The following GLB1L3 variants were observed in gnomAD, a reference collection of about 807,000 sequenced individuals.
GLB1L3 encodes galactosidase beta 1 like 3, also known as beta-galactosidase-1-like protein 3.
A neutral mutation model predicts 89.5 loss-of-function variants in GLB1L3; 89 were observed. That is an observed-to-expected ratio of 0.99 (90% CI 0.84 to 1.19). GLB1L3 has a LOEUF of 1.19. GLB1L3 is among the 50% of genes most tolerant of loss of function. GLB1L3 has a pLI of 0.00. For missense variants in GLB1L3, 812 were observed against 813.3 expected, an observed-to-expected ratio of 1.00 and a Z score of 0.02; for synonymous variants, 314 against 312.3, an observed-to-expected ratio of 1.01 and a Z score of -0.06.
intron 7 of GLB1L3, among the ~76,000 whole-genome samples, chr11:134,291,916 A>G (rs528253488): frequency 6.6e-6 from 1 of 152,350 alleles, no homozygotes; most frequent in African/African-American, 2.4e-5. Context: ...TTAAGGTTAT[A>G]GTGAGCTATG....
At chr11:134,316,815 G>A (rs1943002591) in intron 18 of GLB1L3, 1 of 152,202 alleles carries the variant, frequency 6.6e-6, no homozygotes, top group African/African-American at 2.4e-5. Context: ...TCATACGGCT[G>A]TGTGGATTGT....
chr11:134,312,431 A>G lies in GLB1L3; in HGVS notation c.1370A>G (p.Tyr457Cys), dbSNP rs1555082001. Residue 457 changes from tyrosine (Y) to cysteine (C), a missense_variant, in exon 14 of 20, where the codon TAT (tyrosine) becomes TGT (cysteine). Transcript: ENST00000431683. ...GSGQSYGLVLYEKSICSGGRL... is the reference protein window; with the variant it reads ...GSGQSYGLVLCEKSICSGGRL... The stretch of plus-strand genomic sequence containing the variant: ...GGCCAGTCCTACGGGCTTGTCCTGT[A>G]TGAGAAGTCCATCTGCTCCGGAGGC... The G allele has an allele frequency of 1.2e-6, 2 of 1,613,702 alleles. No homozygotes were observed. The highest frequency in any genetic ancestry group is 1.7e-4 in the Middle Eastern group (1 of 6,054).
chr11:134,309,145 A>C (rs538462602), intron 10 of GLB1L3, among the ~76,000 whole-genome samples: 52 of 152,326 alleles, frequency 3.4e-4, no homozygotes, highest in Middle Eastern at 3.4e-3. Context: ...TTTAAGTGAC[A>C]TGAGGGTTCT....
rs199596188 is a variant in GLB1L3 at position 134,312,369 on chromosome 11, C to T, written c.1308C>T (p.Pro436=). 183 of 1,613,578 alleles carry T rather than the reference C, an allele frequency of 1.1e-4. No individual in the cohort carries two copies. The highest frequency in any genetic ancestry group is 1.9e-4 in the African/African-American group (14 of 74,936). The change falls in exon 14 of 20, where the codon CCC becomes CCT. Residue 436 remains proline (P), a synonymous_variant. Coordinates refer to ENST00000431683, the MANE Select transcript of GLB1L3 (RefSeq NM_001080407.3). ...YLNEPVRSRQ[P]VNMENLPINN... ...CATAGCCAGTCAGGTCGCGTCAGCCCGTCAACATGGAGAACCTTCCCATAA... is the reference window on the plus strand; with the variant it reads ...CATAGCCAGTCAGGTCGCGTCAGCCTGTCAACATGGAGAACCTTCCCATAA...
rs376129814 is a variant in GLB1L3, at chr11:134,318,743, A to G, written c.1892A>G (p.Asn631Ser). The G allele has an allele frequency of 1.1e-5, 17 of 1,597,484 alleles. No individual in the cohort carries two copies. The highest frequency in any genetic ancestry group is 4.5e-5 in the East Asian group (2 of 44,814). ...GGAGTTTGGCTTCATCCAGAAGACAATGAGGTATGTCACTCCAGTCTCTGC... is the reference window on the plus strand; with the variant it reads ...GGAGTTTGGCTTCATCCAGAAGACAGTGAGGTATGTCACTCCAGTCTCTGC... ...LPGVWLHPED[N>S]EVILFEKMMS... Residue 631 changes from asparagine to serine, a missense_variant, in exon 19 of 20, where the codon AAT becomes AGT. Physicochemically the swap from Asn to Ser is conservative, Grantham distance 46. Coordinates refer to ENST00000431683, the MANE Select transcript of GLB1L3 (RefSeq NM_001080407.3).
At chr11:134,280,999 C>T (rs1433826381) in intron 3 of GLB1L3, among the ~76,000 whole-genome samples, 1 of 152,190 alleles carries the variant, frequency 6.6e-6, no homozygotes, top group Non-Finnish European at 1.5e-5. Flanking sequence ...CACAGAAACT[C>T]CTCATTTATT....
intron 13 of GLB1L3, 196 bp from the exon 14 acceptor site, chr11:134,312,153 C>G: frequency 1.7e-6 from 1 of 584,402 alleles, no homozygotes; most frequent in Non-Finnish European, 3.0e-6. Context: ...CATCACCATG[C>G]CCTGCATTTC....
chr11:134,296,836 T>TATTATAATA (rs1555076966), intron 9 of GLB1L3, among the ~76,000 whole-genome samples: 2 of 142,402 alleles, frequency 1.4e-5, no homozygotes, highest in African/African-American at 2.6e-5. Flanking sequence ...AAACTTAAAG[T>TATTATAATA]ATAATAATAA....
chr11:134,283,109 C>G lies in GLB1L3; in HGVS notation c.528-628C>G, dbSNP rs575730029. ...CGGAGTCTTGCTCTCGTCACCCAGG[C>G]TGGAGTCCAGTGGCGCGATCTCGGC... On this transcript the variant is annotated intron_variant, in intron 5 of 19. Coordinates refer to ENST00000431683, the MANE Select transcript of GLB1L3 (RefSeq NM_001080407.3). Among the ~76,000 whole-genome samples, 388 of 152,204 alleles carry G rather than the reference C, an allele frequency of 2.5e-3. 1 individual carries two copies. The highest frequency in any genetic ancestry group is 8.8e-3 in the African/African-American group (364 of 41,528).
chr11:134,311,066 A>T lies in GLB1L3; in HGVS notation c.1183A>T (p.Thr395Ser). 1 of 1,612,292 alleles carries T rather than the reference A, an allele frequency of 6.2e-7. No homozygotes were observed. The highest frequency in any genetic ancestry group is 8.5e-7 in the Non-Finnish European group (1 of 1,179,114). Reference sequence around the variant, plus strand: ...CCTGTGCCCCATCTCCATTGCAGCAACTCCCCTGCCCCGAGTACCCAAACT... The same window carrying T: ...CCTGTGCCCCATCTCCATTGCAGCATCTCCCCTGCCCCGAGTACCCAAACT... ...LQKLFQSVSA[T>S]PLPRVPKLPP... Residue 395 changes from threonine to serine, a missense_variant and splice_region_variant, in exon 13 of 20, where the codon ACT (threonine) becomes TCT (serine). By Grantham distance (58) the Thr-to-Ser change is moderately conservative. Coordinates refer to ENST00000431683, the MANE Select transcript of GLB1L3 (RefSeq NM_001080407.3).
chr11:134,285,537 G>A (rs867918813), intron 6 of GLB1L3, among the ~76,000 whole-genome samples: 49 of 152,216 alleles, frequency 3.2e-4, no homozygotes, highest in African/African-American at 5.3e-4. Context: ...TGTAATCCCA[G>A]CACTTTGGGA....
intron 10 of GLB1L3, among the ~76,000 whole-genome samples, chr11:134,309,280 C>G (rs1001001704): frequency 1.3e-5 from 2 of 152,076 alleles, no homozygotes; most frequent in Admixed American, 6.5e-5. Flanking sequence ...CCAATTCTGC[C>G]TATTTTTTTG....
rs1160750466 is a variant in GLB1L3 at position 134,310,570 on chromosome 11, G to C, written c.1100-1G>C. The C allele has an allele frequency of 2.5e-6, 4 of 1,611,540 alleles. No individual in the cohort carries two copies. In the Admixed American group the frequency reaches 6.7e-5, roughly 27 times the overall value. ...TGGTGACTGGCCCTGGTGTCTTGCAGACTATGATGCAGTGCTCACGGAGGC... is the reference window on the plus strand; with the variant it reads ...TGGTGACTGGCCCTGGTGTCTTGCACACTATGATGCAGTGCTCACGGAGGC... On this transcript the variant is annotated splice_acceptor_variant, in intron 11 of 19. Transcript: ENST00000431683. LOFTEE classifies it high-confidence loss of function.
chr11:134,308,550 T>TCACCAC (rs1400157023), intron 10 of GLB1L3, among the ~76,000 whole-genome samples: 2 of 16,838 alleles, frequency 1.2e-4, no homozygotes, highest in Non-Finnish European at 3.2e-4. Flanking sequence ...ACCATCACCA[T>TCACCAC]CACCATCACC....
Position 134,318,956 on chromosome 11 carries a change from C to T in GLB1L3, c.*14C>T, listed in dbSNP as rs768973702. On this transcript the variant is annotated 3_prime_UTR_variant, in exon 20 of 20. Coordinates refer to ENST00000431683, the MANE Select transcript of GLB1L3 (RefSeq NM_001080407.3). ...CCCACGCTGTAAAACTGTGTCTGAA[C>T]ATTTTTTTTTTTTTTTGAGATGGAG... The T allele has an allele frequency of 4.5e-6, 6 of 1,321,258 alleles. No individual in the cohort carries two copies. The highest frequency in any genetic ancestry group is 4.4e-5 in the African/African-American group (2 of 45,640). The allele number at this position is 1,321,258 out of a possible 1,614,324, so 81.8% of individuals were successfully genotyped here. A position where few individuals can be genotyped will look rare whatever the true frequency, so the allele number is the denominator to read the frequency against.
Position 134,313,417 on chromosome 11 carries a change from C to A in GLB1L3, c.1522C>A (p.Leu508Met). The A allele has an allele frequency of 6.3e-7, 1 of 1,584,584 alleles. No homozygotes were observed. Among genetic ancestry groups the A allele is most frequent in the East Asian group, 2.3e-5 (1 of 43,526 alleles). Residue 508 changes from leucine (L) to methionine (M), a missense_variant, in exon 16 of 20, where the codon CTG becomes ATG. Transcript: ENST00000431683. The stretch of plus-strand genomic sequence containing the variant: ...GCAGGACTGCCGATACCTGAGGATC[C>A]TGGTGGAGAATCAAGGACGAGTCAA... ...ELRDCRYLRI[L>M]VENQGRVNFS...
chr11:134,279,691 G>A (rs952504109), intron 3 of GLB1L3, among the ~76,000 whole-genome samples: 2 of 152,078 alleles, frequency 1.3e-5, no homozygotes, highest in African/African-American at 2.4e-5. Context: ...AACCCACTGG[G>A]ACTTAAGAAA....
At chr11:134,291,542 C>T (rs1429667375) in intron 7 of GLB1L3, among the ~76,000 whole-genome samples, 2 of 152,156 alleles carry the variant, frequency 1.3e-5, no homozygotes, top group African/African-American at 4.8e-5. Context: ...TGGCCTCTCC[C>T]ATGTACTTTA....
At chr11:134,306,525 A>G (rs1942211225) in intron 9 of GLB1L3, among the ~76,000 whole-genome samples, 1 of 152,188 alleles carries the variant, frequency 6.6e-6, no homozygotes, top group Admixed American at 6.5e-5. Flanking sequence ...GCTTAGAGTG[A>G]GACAATCTTA....
Sources: gnomAD v4.1 joint callset for allele counts (sites outside exome capture counted in the v4.1 genomes callset) on GRCh38, gnomAD v4.1.1 for gene constraint, MANE v1.5 for transcripts, NCBI Gene and HGNC (gene_info 2026-07-23, HGNC 2026-07-21) for gene names.